The following CACNB2 variants were observed in gnomAD, a reference collection of about 807,000 sequenced individuals.
The protein encoded by CACNB2 is calcium voltage-gated channel auxiliary subunit beta 2, also known as voltage-dependent L-type calcium channel subunit beta-2.
A neutral mutation model predicts 73.3 loss-of-function variants in CACNB2; 42 were observed. The ratio of observed to expected loss-of-function variants is 0.57; its 90% CI spans 0.45 to 0.74. The LOEUF is 0.74. Ranked by LOEUF, CACNB2 falls within the 30% of genes least tolerant of loss-of-function variation. The pLI is 0.00. For missense variants in CACNB2, 940 were observed against 853.0 expected (o/e 1.10, Z -1.27); for synonymous variants, 348 against 310.3 (o/e 1.12, Z -1.28).
At chr10:18,531,046 T>C (rs1230194712) in intron 10 of CACNB2, among the ~76,000 whole-genome samples, 1 of 152,174 alleles carries the variant, frequency 6.6e-6, no homozygotes, top group African/African-American at 2.4e-5. Flanking sequence ...AAGAGTTTTG[T>C]GTGTAGTAAT....
At chr10:18,523,500 A>T (rs1384803701) in intron 9 of CACNB2, among the ~76,000 whole-genome samples, 1 of 152,218 alleles carries the variant, frequency 6.6e-6, no homozygotes, top group East Asian at 1.9e-4. Flanking sequence ...AGCCAGAAGT[A>T]ACTTTCATAT....
At chr10:18,412,854 C>A (rs890748229) in intron 3 of CACNB2, among the ~76,000 whole-genome samples, 10 of 152,244 alleles carry the variant, frequency 6.6e-5, no homozygotes, top group African/African-American at 2.2e-4. Context: ...TCCATGGATT[C>A]TTCTGGAGTC....
intron 3 of CACNB2, among the ~76,000 whole-genome samples, chr10:18,471,505 C>T (rs1413599582): frequency 6.6e-6 from 1 of 152,160 alleles, no homozygotes; most frequent in African/African-American, 2.4e-5. Context: ...AGATAGGAAG[C>T]TATTATCCTG....
intron 6 of CACNB2, among the ~76,000 whole-genome samples, chr10:18,507,110 T>A (rs946207240): frequency 2.0e-5 from 3 of 152,206 alleles, no homozygotes; most frequent in African/African-American, 7.2e-5. Context: ...TATTAACCTT[T>A]AATCCCTAGT....
At chr10:18,494,549 A>G (rs986916747) in intron 3 of CACNB2, among the ~76,000 whole-genome samples, 65 of 150,856 alleles carry the variant, frequency 4.3e-4, no homozygotes, top group Admixed American at 3.3e-4. Flanking sequence ...GGAGAATGGC[A>G]TGAACCCAGG....
intron 2 of CACNB2, among the ~76,000 whole-genome samples, chr10:18,317,280 A>T (rs1366826030): frequency 3.3e-5 from 5 of 151,514 alleles, no homozygotes; most frequent in Non-Finnish European, 7.4e-5. Flanking sequence ...GGGGTTACAG[A>T]TGCAGATTTG....
chr10:18,260,511 G>C (rs76819545), intron 2 of CACNB2: 1,090 of 985,470 alleles, frequency 1.1e-3, no homozygotes, highest in Non-Finnish European at 1.3e-3. Context: ...CCACTCTGGC[G>C]ATCCTCCTTA....
chr10:18,374,569 T>A (rs903831649), intron 2 of CACNB2, among the ~76,000 whole-genome samples: 9 of 152,116 alleles, frequency 5.9e-5, no homozygotes, highest in Admixed American at 3.3e-4. Flanking sequence ...CTTTATTTTT[T>A]AAAAAATAGA....
In CACNB2 at chr10:18,442,998, G is replaced by GTA. The variant is rs1224373508; in HGVS notation, c.333+40956_333+40957insAT. ...TATATATATATATGTATATATATAT[G>GTA]TGTATATATATATATGTATATATAT... On this transcript the variant is annotated intron_variant, in intron 3 of 13. Transcript: ENST00000324631. Among the ~76,000 whole-genome samples, 60 of 9,108 alleles carry GTA rather than the reference G, an allele frequency of 6.6e-3. 4 individuals carry two copies. Among genetic ancestry groups the GTA allele is most frequent in the Non-Finnish European group, 9.0e-3 (51 of 5,696 alleles). 6.0% of individuals were successfully genotyped at this position (9,108 alleles called of 152,430 possible).
At chr10:18,488,350 C>T (rs896331313) in intron 3 of CACNB2, among the ~76,000 whole-genome samples, 1 of 151,288 alleles carries the variant, frequency 6.6e-6, no homozygotes, top group Non-Finnish European at 1.5e-5. Context: ...TGGCAGGTGC[C>T]TGTAGTCCCA....
chr10:18,250,713 A>G (rs1029327750), intron 2 of CACNB2, among the ~76,000 whole-genome samples: 2 of 152,198 alleles, frequency 1.3e-5, no homozygotes, highest in Non-Finnish European at 2.9e-5. Context: ...CTGATTTTGA[A>G]TGAAACAAGA....
chr10:18,521,216 A>G lies in CACNB2; in HGVS notation c.944+2248A>G, dbSNP rs75375833. Among the ~76,000 whole-genome samples the G allele has an allele frequency of 8.4e-4, 128 of 152,388 alleles. 2 individuals carry two copies. The East Asian group carries it at 0.017, about 21-fold the overall frequency. ...GTAAAAGGGCAACTTGGTTATATGC[A>G]TGCACAAGGTGCAGGTAGCATAAAG... On this transcript the variant is annotated intron_variant, in intron 9 of 13. Coordinates refer to ENST00000324631, the MANE Select transcript of CACNB2 (RefSeq NM_201596.3).
At chr10:18,271,810 T>G (rs1178054010) in intron 2 of CACNB2, among the ~76,000 whole-genome samples, 1 of 152,220 alleles carries the variant, frequency 6.6e-6, no homozygotes, top group Admixed American at 6.5e-5. Context: ...TCTCTTCTGT[T>G]TGAATCATCA....
chr10:18,271,577 A>G (rs776317053), intron 2 of CACNB2, among the ~76,000 whole-genome samples: 2 of 152,134 alleles, frequency 1.3e-5, no homozygotes, highest in Non-Finnish European at 2.9e-5. Context: ...CATCTTTATC[A>G]TATATAAAAC....
At chr10:18,392,349 G>T (rs900881653) in intron 2 of CACNB2, among the ~76,000 whole-genome samples, 5 of 152,190 alleles carry the variant, frequency 3.3e-5, no homozygotes, top group Admixed American at 6.5e-5. Flanking sequence ...GATGATCAGT[G>T]ATGTTAAAGG....
chr10:18,513,769 T>A (rs10400076), intron 6 of CACNB2: 87,321 of 232,274 alleles, frequency 0.38, 17,387 homozygotes, highest in East Asian at 0.71. Context: ...AAGAATGTAT[T>A]CCAATATCAA....
rs10637329 is a variant in CACNB2 at position 18,386,399 on chromosome 10, A to ATTTTT, written c.214-15508_214-15504dup. ...CTTTACTGTTGCTCTTTTATTTATGATTTTTTTTTTTTTTTTTTTTTGAGA... is the reference window on the plus strand; with the variant it reads ...CTTTACTGTTGCTCTTTTATTTATGATTTTTTTTTTTTTTTTTTTTTTTTTTGAGA... On this transcript the variant is annotated intron_variant, in intron 2 of 13. Transcript: ENST00000324631. 6.5e-3 allele frequency among the ~76,000 whole-genome samples: 697 copies of ATTTTT among 106,498 alleles called. 15 individuals carry two copies. The highest frequency in any genetic ancestry group is 7.0e-3 in the Non-Finnish European group (390 of 56,058). The allele number at this position is 106,498 out of a possible 152,430, so 69.9% of individuals were successfully genotyped here. A position where few individuals can be genotyped will look rare whatever the true frequency, so the allele number is the denominator to read the frequency against.
chr10:18,537,832 CCTATT>C lies in CACNB2; in HGVS notation c.1303-335_1303-331del, dbSNP rs796750137. ...TCTTTATGTCAAGAACAGGCTTCTT[CCTATT>C]CTATTCTATTCTGTTCAAATATATA... On this transcript the variant is annotated intron_variant, in intron 12 of 13. Coordinates refer to ENST00000324631, the MANE Select transcript of CACNB2 (RefSeq NM_201596.3). Among the ~76,000 whole-genome samples the C allele has an allele frequency of 3.7e-4, 56 of 152,012 alleles. No homozygotes were observed. In the Middle Eastern group the frequency reaches 0.01, roughly 28 times the overall value.
At chr10:18,313,851 C>G (rs148652806) in intron 2 of CACNB2, among the ~76,000 whole-genome samples, 71 of 152,324 alleles carry the variant, frequency 4.7e-4, no homozygotes, top group African/African-American at 1.5e-3. Flanking sequence ...TCTAGTTAAT[C>G]ATTTTCAAAG....
Sources: gnomAD v4.1 joint callset for allele counts (sites outside exome capture counted in the v4.1 genomes callset) on GRCh38, gnomAD v4.1.1 for gene constraint, MANE v1.5 for transcripts, NCBI Gene and HGNC (gene_info 2026-07-23, HGNC 2026-07-21) for gene names.